NCKAP1: variants seen among roughly 807,000 people sequenced by gnomAD.
NCKAP1 encodes NCK associated protein 1.
In NCKAP1, 21 loss-of-function variants were observed where a neutral mutation model predicts 151.2. The ratio of observed to expected loss-of-function variants is 0.14; its 90% CI spans 0.10 to 0.20. The LOEUF (loss-of-function observed/expected upper bound fraction) is 0.20, where lower values mean the gene tolerates loss of function less well. Ranked by LOEUF, NCKAP1 falls within the 10% of genes least tolerant of loss-of-function variation. NCKAP1 has a pLI of 1.00. For missense variants in NCKAP1, 933 were observed against 1,352.1 expected (o/e 0.69, Z 4.86); for synonymous variants, 484 against 451.8 (o/e 1.07, Z -0.90).
intron 23 of NCKAP1, among the ~76,000 whole-genome samples, chr2:182,948,420 T>C (rs547066187): frequency 6.6e-6 from 1 of 152,216 alleles, no homozygotes; most frequent in African/African-American, 2.4e-5. Flanking sequence ...CGCATTCCCC[T>C]AACTTTAAAT....
intron 18 of NCKAP1, among the ~76,000 whole-genome samples, chr2:182,961,437 G>C (rs1697449434): frequency 6.6e-6 from 1 of 152,130 alleles, no homozygotes; most frequent in Non-Finnish European, 1.5e-5. Flanking sequence ...TAGGGACATG[G>C]GTGAAGCTGG....
At chr2:183,031,536 T>C (rs1699004042) in intron 1 of NCKAP1, among the ~76,000 whole-genome samples, 1 of 152,166 alleles carries the variant, frequency 6.6e-6, no homozygotes, top group Admixed American at 6.5e-5. Flanking sequence ...GTGAGGAATG[T>C]TTCCTAAAAG....
intron 15 of NCKAP1, among the ~76,000 whole-genome samples, chr2:182,971,392 TCAAAAA>T (rs1365335615): frequency 3.1e-5 from 2 of 63,586 alleles, no homozygotes; most frequent in African/African-American, 1.2e-4. Flanking sequence ...AGACTCCGTC[TCAAAAA>T]AAAAAAAAAA....
intron 2 of NCKAP1, among the ~76,000 whole-genome samples, chr2:183,005,090 A>G (rs972084631): frequency 6.6e-6 from 1 of 152,146 alleles, no homozygotes; most frequent in Non-Finnish European, 1.5e-5. Flanking sequence ...CCAAAAACAT[A>G]AAGTGAATAC....
rs1699140880 is a variant in NCKAP1, at chr2:183,038,070, C to G, written c.30G>C (p.Gln10His). The change falls in exon 1 of 31, where the codon CAG becomes CAC. Residue 10 changes from glutamine to histidine, a missense_variant. By Grantham distance (24) the Gln-to-His change is conservative. This residue lies in a region of NCKAP1 where 607 missense variants were observed against 795.0 expected (regional missense o/e 0.76). Coordinates refer to ENST00000361354, the MANE Select transcript of NCKAP1 (RefSeq NM_013436.5). ...TGGTGAGCTTCTCCGCCAGCTTCTG[C>G]TGACTGGGCTGCAGCACTGAGCGCG... MSRSVLQPS[Q>H]QKLAEKLTIL... 6.3e-7 allele frequency: 1 copy of G among 1,588,130 alleles called. No individual in the cohort carries two copies. The highest frequency in any genetic ancestry group is 8.5e-7 in the Non-Finnish European group (1 of 1,174,258).
chr2:182,977,225 A>G (rs1004879697), intron 14 of NCKAP1, among the ~76,000 whole-genome samples: 3 of 152,182 alleles, frequency 2.0e-5, no homozygotes, highest in African/African-American at 7.2e-5. Flanking sequence ...GCAGTGTCTC[A>G]TGCCTATAAT....
At chr2:183,001,083 A>G (rs184248034) in intron 6 of NCKAP1, among the ~76,000 whole-genome samples, 14 of 152,354 alleles carry the variant, frequency 9.2e-5, no homozygotes, top group Admixed American at 9.1e-4. Flanking sequence ...ACAGAGCGAG[A>G]CGCTGTCTCA....
intron 8 of NCKAP1, among the ~76,000 whole-genome samples, chr2:182,989,398 T>C (rs986600102): frequency 6.6e-6 from 1 of 152,194 alleles, no homozygotes; most frequent in Non-Finnish European, 1.5e-5. Flanking sequence ...TATTTGAACC[T>C]GAACTGACAA....
Position 182,928,135 on chromosome 2 carries a change from A to G in NCKAP1, c.3162T>C (p.Arg1054=), listed in dbSNP as rs1233796354. 1.2e-6 allele frequency: 2 copies of G among 1,607,098 alleles called. No individual in the cohort carries two copies. The highest frequency in any genetic ancestry group is 1.7e-6 in the Non-Finnish European group (2 of 1,175,018). The change falls in exon 29 of 31, where the codon CGT becomes CGC. Residue 1054 remains arginine, a synonymous_variant. Coordinates refer to ENST00000361354, the MANE Select transcript of NCKAP1 (RefSeq NM_013436.5). ...FTIHKGSIED[R]LKEFLALASS... is the part of the protein sequence containing the mutation. Reference sequence around the variant, plus strand: ...TACATACCGCCAGAAATTCTTTAAGACGGTCTTCAATGCTTCCTTTGTGAA... The same window carrying G: ...TACATACCGCCAGAAATTCTTTAAGGCGGTCTTCAATGCTTCCTTTGTGAA...
rs1553507414 is a variant in NCKAP1, at chr2:182,916,186, A to AAC, written c.*9515_*9516insGT. The AAC allele has an allele frequency of 1.3e-5, 2 of 151,396 alleles. No homozygotes were observed. The highest frequency in any genetic ancestry group is 1.9e-4 in the East Asian group (1 of 5,158). The allele number at this position is 151,396 out of a possible 1,614,324, so 9.4% of individuals were successfully genotyped here. On this transcript the variant is annotated 3_prime_UTR_variant, in exon 31 of 31. Transcript: ENST00000361354. ...CCTTCTGTCAAAAAAAAAAAAAAAA[A>AAC]AAAAACATGTCTCTGTGTCATCACT...
intron 8 of NCKAP1, among the ~76,000 whole-genome samples, chr2:182,991,207 T>C (rs781695340): frequency 6.6e-6 from 1 of 152,220 alleles, no homozygotes; most frequent in Non-Finnish European, 1.5e-5. Context: ...ATACGTGTTA[T>C]GAGTTAAAGT....
intron 18 of NCKAP1, among the ~76,000 whole-genome samples, chr2:182,959,938 A>G (rs1575031238): frequency 6.6e-6 from 1 of 152,128 alleles, no homozygotes; most frequent in African/African-American, 2.4e-5. Context: ...TTATACACCA[A>G]TAACAGACAG....
intron 23 of NCKAP1, among the ~76,000 whole-genome samples, chr2:182,948,727 T>C (rs1408301592): frequency 6.6e-6 from 1 of 152,214 alleles, no homozygotes; most frequent in Non-Finnish European, 1.5e-5. Flanking sequence ...TGGAAAGCCA[T>C]GGTTTAAGGT....
chr2:182,964,373 T>C (rs1258364885), intron 17 of NCKAP1, among the ~76,000 whole-genome samples: 2 of 152,162 alleles, frequency 1.3e-5, no homozygotes, highest in African/African-American at 2.4e-5. Flanking sequence ...AAGAGGAAAA[T>C]TAAGTATACA....
intron 14 of NCKAP1, among the ~76,000 whole-genome samples, chr2:182,978,110 A>G (rs1697862408): frequency 6.6e-6 from 1 of 152,172 alleles, no homozygotes; most frequent in South Asian, 2.1e-4. Flanking sequence ...CTCTATATAA[A>G]CCAAATATCA....
chr2:183,008,700 C>A (rs896816833), intron 2 of NCKAP1, among the ~76,000 whole-genome samples: 11 of 152,184 alleles, frequency 7.2e-5, no homozygotes, highest in African/African-American at 2.7e-4. Flanking sequence ...TTTAAAATTT[C>A]ATTGCTAGCC....
intron 2 of NCKAP1, chr2:183,022,983 T>C (rs530290757): frequency 2.0e-5 from 3 of 152,280 alleles, no homozygotes; most frequent in African/African-American, 4.8e-5. Flanking sequence ...ACGATATATC[T>C]TTTCAACAGA....
Position 183,021,698 on chromosome 2 carries a change from G to A in NCKAP1, c.219+2108C>T, listed in dbSNP as rs1698800736. On this transcript the variant is annotated intron_variant, in intron 2 of 30. Coordinates refer to ENST00000361354, the MANE Select transcript of NCKAP1 (RefSeq NM_013436.5). ...TAAATGACAGAAACCAGTCACAGAA[G>A]ACCACATATTACATTATTCCTGATG... Among the ~76,000 whole-genome samples, 3 of 152,238 alleles carry A rather than the reference G, an allele frequency of 2.0e-5. No homozygotes were observed. The South Asian group carries it at 6.2e-4, about 32-fold the overall frequency.
intron 23 of NCKAP1, among the ~76,000 whole-genome samples, chr2:182,944,101 T>A (rs1697051130): frequency 6.6e-6 from 1 of 152,184 alleles, no homozygotes; most frequent in Admixed American, 6.5e-5. Context: ...TCTGCTGGTC[T>A]GAGAAGTAAA....
Sources: allele counts gnomAD v4.1 joint callset (sites outside exome capture counted in the v4.1 genomes callset), GRCh38; gene constraint gnomAD v4.1.1; regional missense constraint gnomAD v4.1.1; transcripts MANE v1.5; gene names NCBI Gene and HGNC (gene_info 2026-07-23, HGNC 2026-07-21).